CACNA1C: variants seen among roughly 807,000 people sequenced by gnomAD.
CACNA1C encodes the protein calcium voltage-gated channel subunit alpha1 C, also known as voltage-dependent L-type calcium channel subunit alpha-1C.
In CACNA1C, 30 loss-of-function variants were observed where a neutral mutation model predicts 229.0. That is an observed-to-expected ratio of 0.13 (90% CI 0.10 to 0.18). The LOEUF is 0.18. Among genes scored for constraint, CACNA1C ranks in the 10% least tolerant of loss-of-function variants. The pLI is 1.00. For synonymous variants in CACNA1C, 1,114 were observed against 1,132.5 expected, an observed-to-expected ratio of 0.98 and a Z score of 0.33; for missense variants, 1,658 against 2,845.0, an observed-to-expected ratio of 0.58 and a Z score of 9.49.
rs216038 is a variant in CACNA1C, at chr12:2,649,306, G to A, written c.3945+799G>A. Among the ~76,000 whole-genome samples, 4,159 of 152,246 alleles carry A rather than the reference G, an allele frequency of 0.027. 193 individuals carry two copies. The highest frequency in any genetic ancestry group is 0.094 in the African/African-American group (3,893 of 41,530). On this transcript the variant is annotated intron_variant, in intron 31 of 46. Transcript: ENST00000399655. This position sits in a 1 kb window ranked among gnomAD's most constrained non-coding sequence, Gnocchi z 4.4. The stretch of plus-strand genomic sequence containing the variant: ...AGGCTGCCGTTATGCATTTCTAACC[G>A]GGCCAAGTATGAGTTTTTAGAAGGA...
rs116458536 is a variant in CACNA1C, at chr12:2,258,954, G to A, written c.477+138524G>A. Among the ~76,000 whole-genome samples the A allele has an allele frequency of 8.6e-3, 1,315 of 152,266 alleles. 16 individuals carry two copies. Among genetic ancestry groups the A allele is most frequent in the African/African-American group, 0.03 (1,263 of 41,542 alleles). On this transcript the variant is annotated intron_variant, in intron 3 of 46. Coordinates refer to ENST00000399655, the MANE Select transcript of CACNA1C (RefSeq NM_000719.7). ...ATGAATTCAATATAAATTAACATAT[G>A]TGTTTTCAAATTCCAAAAATAGATG...
chr12:2,505,641 G>A (rs761444228), intron 8 of CACNA1C, among the ~76,000 whole-genome samples: 5 of 152,146 alleles, frequency 3.3e-5, no homozygotes, highest in Admixed American at 6.5e-5. Flanking sequence ...CTGCAGCCTG[G>A]GCAACATAGC....
rs2059742862 is a variant in CACNA1C at position 2,215,484 on chromosome 12, T to A, written c.477+95054T>A. On this transcript the variant is annotated intron_variant, in intron 3 of 46. Coordinates refer to ENST00000399655, the MANE Select transcript of CACNA1C (RefSeq NM_000719.7). This position sits in a 1 kb window ranked among gnomAD's most constrained non-coding sequence, Gnocchi z 5.0. ...TCCTCCTAGGCTTGGTTCCTCTCCT[T>A]CCTCGGGGCCTGATTCCTCCAGCTC... Among the ~76,000 whole-genome samples, 1 of 152,144 alleles carries A rather than the reference T, an allele frequency of 6.6e-6. No homozygotes were observed. Among genetic ancestry groups the A allele is most frequent in the Non-Finnish European group, 1.5e-5 (1 of 68,026 alleles).
At chr12:2,027,658 T>C (rs371912616) in intron 1 of CACNA1C, among the ~76,000 whole-genome samples, 14 of 152,274 alleles carry the variant, frequency 9.2e-5, no homozygotes, top group African/African-American at 3.4e-4. Context: ...AAGCGGAAAG[T>C]CCCTTCCCTG....
chr12:2,645,420 A>G (rs185173107), intron 30 of CACNA1C, among the ~76,000 whole-genome samples: 1 of 152,336 alleles, frequency 6.6e-6, no homozygotes, highest in Non-Finnish European at 1.5e-5. Context: ...CAAAGGTAGA[A>G]CTGATGCTTT....
chr12:2,622,473 G>T (rs1170284823), intron 29 of CACNA1C, among the ~76,000 whole-genome samples: 1 of 152,108 alleles, frequency 6.6e-6, no homozygotes, highest in Non-Finnish European at 1.5e-5. Flanking sequence ...TCCCATACTA[G>T]AAATCCTTGC....
chr12:2,374,645 T>C (rs918184897), intron 3 of CACNA1C, among the ~76,000 whole-genome samples: 1 of 152,236 alleles, frequency 6.6e-6, no homozygotes, highest in African/African-American at 2.4e-5. Flanking sequence ...CCACAGTTTG[T>C]CTTCCCCTCT....
At chr12:2,273,206 A>T (rs770575742) in intron 3 of CACNA1C, among the ~76,000 whole-genome samples, 1 of 152,212 alleles carries the variant, frequency 6.6e-6, no homozygotes, top group Non-Finnish European at 1.5e-5. Flanking sequence ...TGTACCTTAA[A>T]TCATCTCCAG....
chr12:2,690,507 A>AT (rs928721799), intron 46 of CACNA1C, among the ~76,000 whole-genome samples: 4 of 152,082 alleles, frequency 2.6e-5, no homozygotes, highest in African/African-American at 9.7e-5. Flanking sequence ...TTATTCTTAA[A>AT]TTTTTTGTAG....
intron 30 of CACNA1C, among the ~76,000 whole-genome samples, chr12:2,644,245 T>C (rs2238098): frequency 0.067 from 10,151 of 152,266 alleles, 465 homozygotes; most frequent in Admixed American, 0.15. Flanking sequence ...TCTGTAGGGC[T>C]AAGACCAGCC....
At chr12:2,221,264 G>T (rs1224569828) in intron 3 of CACNA1C, among the ~76,000 whole-genome samples, 1 of 152,198 alleles carries the variant, frequency 6.6e-6, no homozygotes, top group Non-Finnish European at 1.5e-5. Flanking sequence ...GGTAGGGAGG[G>T]TGACGTGTCT....
At chr12:1,978,026 G>A (rs192384618) in intron 1 of CACNA1C, among the ~76,000 whole-genome samples, 3 of 152,250 alleles carry the variant, frequency 2.0e-5, no homozygotes, top group Admixed American at 6.5e-5. Context: ...CTAGGAAATT[G>A]ACATTTAAAA....
intron 46 of CACNA1C, among the ~76,000 whole-genome samples, 186 bp downstream of exon 46, chr12:2,688,965 C>T (rs2097667902): frequency 6.6e-6 from 1 of 152,190 alleles, no homozygotes; most frequent in Non-Finnish European, 1.5e-5. Flanking sequence ...GCACAAGATG[C>T]TATGGGCTCT....
At chr12:2,220,775 A>G (rs780098201) in intron 3 of CACNA1C, 1 of 152,238 alleles carries the variant, frequency 6.6e-6, no homozygotes, top group Non-Finnish European at 1.5e-5. Context: ...ACATGTATTT[A>G]TCGAGGATGA....
intron 3 of CACNA1C, among the ~76,000 whole-genome samples, chr12:2,300,580 C>T (rs189274125): frequency 1.5e-3 from 227 of 152,242 alleles, no homozygotes; most frequent in Middle Eastern, 6.8e-3. Context: ...GAGCTGTGAT[C>T]GCACCACTGC....
Position 2,677,017 on chromosome 12 carries a change from GAAAA to G in CACNA1C, c.4829-70_4829-67del, listed in dbSNP as rs372244578. The stretch of plus-strand genomic sequence containing the variant: ...AAAGTTTTAAAAAGTTTTGGATGCT[GAAAA>G]AAAAAATGAATGAAGTTCAACTGAA... On this transcript the variant is annotated intron_variant, in intron 39 of 46. Coordinates refer to ENST00000399655, the MANE Select transcript of CACNA1C (RefSeq NM_000719.7). The surrounding 1 kb of genome is among the most constrained non-coding windows in gnomAD (Gnocchi z 7.4). 46 of 1,171,944 alleles carry G rather than the reference GAAAA, an allele frequency of 3.9e-5. No individual in the cohort carries two copies. In the African/African-American group the frequency reaches 5.3e-4, roughly 13 times the overall value. The allele number at this position is 1,171,944 out of a possible 1,614,324, so 72.6% of individuals were successfully genotyped here. A position where few individuals can be genotyped will look rare whatever the true frequency, so the allele number is the denominator to read the frequency against.
chr12:2,128,690 C>T (rs900152488), intron 3 of CACNA1C, among the ~76,000 whole-genome samples: 1 of 152,170 alleles, frequency 6.6e-6, no homozygotes, highest in Non-Finnish European at 1.5e-5. Flanking sequence ...GGATTACAGG[C>T]GTGAGCCACT....
chr12:2,257,370 G>GT (rs1486752680), intron 3 of CACNA1C, among the ~76,000 whole-genome samples: 1 of 152,198 alleles, frequency 6.6e-6, no homozygotes, highest in Non-Finnish European at 1.5e-5. Context: ...CCAGGAATCA[G>GT]TTTCGTGGAA....
At chr12:2,466,642 A>G (rs2099552738) in intron 5 of CACNA1C, among the ~76,000 whole-genome samples, 1 of 152,190 alleles carries the variant, frequency 6.6e-6, no homozygotes, top group Admixed American at 6.5e-5. Context: ...AAGTACCCAC[A>G]GGATGCTGCT....
Sources: allele counts gnomAD v4.1 joint callset (sites outside exome capture counted in the v4.1 genomes callset), GRCh38; gene constraint gnomAD v4.1.1; non-coding constraint Gnocchi (gnomAD v3.1); transcripts MANE v1.5; gene names NCBI Gene and HGNC (gene_info 2026-07-23, HGNC 2026-07-21).